The following AGMO variants were observed in gnomAD, a reference collection of about 807,000 sequenced individuals.
AGMO encodes glyceryl-ether monooxygenase.
In AGMO, 75 loss-of-function variants were observed where a neutral mutation model predicts 60.2. The ratio of observed to expected loss-of-function variants is 1.25; its 90% CI spans 1.03 to 1.51. The LOEUF (loss-of-function observed/expected upper bound fraction) is 1.51, where lower values mean the gene tolerates loss of function less well. Ranked by LOEUF, AGMO falls within the 40% of genes most tolerant of loss-of-function variation. AGMO has a pLI of 0.00. For synonymous variants in AGMO, 261 were observed against 177.1 expected (o/e 1.47, Z -3.76); for missense variants, 763 against 525.5 (o/e 1.45, Z -4.42).
At chr7:15,486,194 G>C (rs749330173) in intron 3 of AGMO, among the ~76,000 whole-genome samples, 1 of 152,098 alleles carries the variant, frequency 6.6e-6, no homozygotes, top group Non-Finnish European at 1.5e-5. Context: ...TATAACATTA[G>C]TGTTCAGTAT....
intron 3 of AGMO, among the ~76,000 whole-genome samples, chr7:15,474,364 T>G (rs1782533162): frequency 1.3e-5 from 2 of 151,924 alleles, no homozygotes; most frequent in Non-Finnish European, 2.9e-5. Flanking sequence ...TATAGACCAA[T>G]GGAACAGAAC....
intron 12 of AGMO, among the ~76,000 whole-genome samples, chr7:15,286,849 T>A (rs1171401041): frequency 6.6e-6 from 1 of 152,094 alleles, no homozygotes; most frequent in Non-Finnish European, 1.5e-5. Context: ...AATGAGTGGA[T>A]AAAGAAAATA....
At chr7:15,315,006 C>T (rs901750060) in intron 12 of AGMO, among the ~76,000 whole-genome samples, 1 of 152,014 alleles carries the variant, frequency 6.6e-6, no homozygotes, top group South Asian at 2.1e-4. Context: ...TAATACTAAC[C>T]GCCAGCTGAT....
intron 9 of AGMO, among the ~76,000 whole-genome samples, chr7:15,386,573 C>T (rs769994301): frequency 3.3e-5 from 5 of 152,082 alleles, no homozygotes; most frequent in Non-Finnish European, 7.4e-5. Flanking sequence ...TTCCTAGCGG[C>T]GTTGGTAACT....
At chr7:15,349,076 T>C (rs1218099191) in intron 12 of AGMO, among the ~76,000 whole-genome samples, 3 of 152,128 alleles carry the variant, frequency 2.0e-5, no homozygotes, top group Non-Finnish European at 4.4e-5. Flanking sequence ...GAGTACAACA[T>C]GGAAGGAATA....
At chr7:15,514,102 A>G (rs1214369270) in intron 3 of AGMO, among the ~76,000 whole-genome samples, 1 of 152,098 alleles carries the variant, frequency 6.6e-6, no homozygotes, top group East Asian at 1.9e-4. Flanking sequence ...TTCCCTAAAC[A>G]CCAGTCTTAG....
chr7:15,335,934 G>C (rs556912431), intron 12 of AGMO, among the ~76,000 whole-genome samples: 1 of 152,100 alleles, frequency 6.6e-6, no homozygotes, highest in Non-Finnish European at 1.5e-5. Flanking sequence ...AATCCAGAGA[G>C]AAATCAGTTT....
At chr7:15,526,583 C>G (rs772130133) in intron 3 of AGMO, among the ~76,000 whole-genome samples, 1 of 152,200 alleles carries the variant, frequency 6.6e-6, no homozygotes, top group African/African-American at 2.4e-5. Context: ...CTTGGGACCA[C>G]TTAAGCCTTC....
chr7:15,553,359 G>GA (rs1176004470), intron 2 of AGMO, among the ~76,000 whole-genome samples: 1 of 151,100 alleles, frequency 6.6e-6, no homozygotes, highest in Non-Finnish European at 1.5e-5. Flanking sequence ...AAATAAAATA[G>GA]AAAAAAAAGA....
the AGMO span, among the ~76,000 whole-genome samples, chr7:15,129,428 T>C: frequency 6.6e-6 from 1 of 152,116 alleles, no homozygotes; most frequent in South Asian, 2.1e-4. Context: ...ATTCTATGTG[T>C]TTCACATCAC....
chr7:15,306,299 A>G (rs936292403), intron 12 of AGMO: 2 of 249,446 alleles, frequency 8.0e-6, no homozygotes, highest in South Asian at 4.0e-5. Context: ...TTGAATTTCA[A>G]TGGCTGAAAG....
intron 12 of AGMO, among the ~76,000 whole-genome samples, chr7:15,218,654 C>A (rs894996711): frequency 2.0e-5 from 3 of 151,530 alleles, no homozygotes; most frequent in African/African-American, 7.3e-5. Context: ...TTTAAAAATA[C>A]TTATTAATTT....
chr7:15,387,468 A>T lies in AGMO; in HGVS notation c.895T>A (p.Phe299Ile). Residue 299 changes from phenylalanine to isoleucine, a missense_variant, in exon 9 of 13, where the codon TTT becomes ATT. Transcript: ENST00000342526. ...CCTGGACCCCATCCCGGTCCCTTAA[A>T]TATGACAGAAAACTTATTGAAGAAT... is the stretch of plus-strand genomic sequence containing the variant. ...PGFFNKFSVIFKGPGWGPGKP... is the reference protein window; with the variant it reads ...PGFFNKFSVIIKGPGWGPGKP... 1 of 1,614,186 alleles carries T rather than the reference A, an allele frequency of 6.2e-7. No individual in the cohort carries two copies. The highest frequency in any genetic ancestry group is 8.5e-7 in the Non-Finnish European group (1 of 1,180,016).
chr7:15,303,101 A>G (rs1328787582), intron 12 of AGMO, among the ~76,000 whole-genome samples: 1 of 152,116 alleles, frequency 6.6e-6, no homozygotes, highest in African/African-American at 2.4e-5. Context: ...CATTTCTCAA[A>G]AGACAGCTCA....
At chr7:15,355,944 A>T (rs1490522704) in intron 12 of AGMO, among the ~76,000 whole-genome samples, 1 of 149,538 alleles carries the variant, frequency 6.7e-6, no homozygotes, top group African/African-American at 2.5e-5. Flanking sequence ...AAAAAATCAC[A>T]GAAAAGGAAA....
chr7:15,540,836 T>C (rs1413356567), intron 3 of AGMO, among the ~76,000 whole-genome samples: 1 of 152,196 alleles, frequency 6.6e-6, no homozygotes, highest in African/African-American at 2.4e-5. Flanking sequence ...TGAATTTAAC[T>C]TTCTATAAAA....
At chr7:15,353,141 G>A (rs2128554696) in intron 12 of AGMO, among the ~76,000 whole-genome samples, 1 of 152,226 alleles carries the variant, frequency 6.6e-6, no homozygotes, top group Admixed American at 6.5e-5. Flanking sequence ...AGAAAACCAA[G>A]GGTGGAAATA....
At chr7:15,171,918 T>A in the AGMO span, among the ~76,000 whole-genome samples, 1 of 152,212 alleles carries the variant, frequency 6.6e-6, no homozygotes, top group African/African-American at 2.4e-5. Flanking sequence ...GAAACCCACA[T>A]ATCTAAGTAC....
At chr7:15,149,183 T>C in the AGMO span, among the ~76,000 whole-genome samples, 1 of 152,170 alleles carries the variant, frequency 6.6e-6, no homozygotes, top group Non-Finnish European at 1.5e-5. Context: ...TTTTGGCTTG[T>C]TGATTTAACT....
Sources: gnomAD v4.1 joint callset for allele counts (sites outside exome capture counted in the v4.1 genomes callset) on GRCh38, gnomAD v4.1.1 for gene constraint, MANE v1.5 for transcripts, NCBI Gene and HGNC (gene_info 2026-07-23, HGNC 2026-07-21) for gene names.